The following HACD2 variants were observed in gnomAD, a reference collection of about 807,000 sequenced individuals.
HACD2 encodes very-long-chain (3R)-3-hydroxyacyl-CoA dehydratase 2.
HACD2 carries 15 observed loss-of-function variants against 31.0 expected under a neutral mutation model. The ratio of observed to expected loss-of-function variants is 0.48; its 90% CI spans 0.32 to 0.75. The LOEUF (loss-of-function observed/expected upper bound fraction) is 0.75, where lower values mean the gene tolerates loss of function less well. Ranked by LOEUF, HACD2 falls within the 30% of genes least tolerant of loss-of-function variation. The pLI is 0.03. For missense variants in HACD2, 283 were observed against 313.0 expected (o/e 0.90, Z 0.72); for synonymous variants, 115 against 122.2 (o/e 0.94, Z 0.39).
chr3:123,554,562 A>G (rs2056654725), intron 3 of HACD2, among the ~76,000 whole-genome samples: 1 of 152,178 alleles, frequency 6.6e-6, no homozygotes, highest in Non-Finnish European at 1.5e-5. Flanking sequence ...AGGCAAATAC[A>G]GCAAATATAA....
intron 3 of HACD2, among the ~76,000 whole-genome samples, chr3:123,539,066 G>A (rs1236428291): frequency 6.6e-6 from 1 of 152,124 alleles, no homozygotes; most frequent in Non-Finnish European, 1.5e-5. Flanking sequence ...GATATATACA[G>A]TATATCTTCA....
chr3:123,494,862 T>TTCAA lies in HACD2; in HGVS notation c.*25_*26insTTGA. 6.9e-7 allele frequency: 1 copy of TTCAA among 1,455,898 alleles called. No individual in the cohort carries two copies. The highest frequency in any genetic ancestry group is 9.4e-7 in the Non-Finnish European group (1 of 1,062,904). 90.2% of individuals were successfully genotyped at this position (1,455,898 alleles called of 1,614,324 possible). ...TTTTTTGATCATTGAAAAGTTTGTT[T>TTCAA]TGGTGGGAGGTGCAGAAAGCAGGAA... On this transcript the variant is annotated 3_prime_UTR_variant, in exon 7 of 7. Transcript: ENST00000383657.
At position 123,540,490 on chromosome 3, in the gene HACD2, A is replaced by G. The variant is rs114546885; in HGVS notation, c.293-12016T>C. Among the ~76,000 whole-genome samples the G allele has an allele frequency of 8.2e-3, 1,252 of 152,314 alleles. 18 individuals carry two copies. The highest frequency in any genetic ancestry group is 0.028 in the African/African-American group (1,168 of 41,560). On this transcript the variant is annotated intron_variant, in intron 3 of 6. Transcript: ENST00000383657. ...ATAAATGACACATATTTCCTTTCTGAAGATAACTTAAAAGGGTGTCACGTT... is the reference window on the plus strand; with the variant it reads ...ATAAATGACACATATTTCCTTTCTGGAGATAACTTAAAAGGGTGTCACGTT...
intron 6 of HACD2, among the ~76,000 whole-genome samples, chr3:123,497,719 C>G (rs1322780427): frequency 3.3e-5 from 5 of 152,122 alleles, no homozygotes; most frequent in African/African-American, 1.2e-4. Context: ...GTATATATTG[C>G]AACTACAGCA....
chr3:123,509,783 A>C (rs1056157736), intron 4 of HACD2, among the ~76,000 whole-genome samples: 2 of 152,068 alleles, frequency 1.3e-5, no homozygotes, highest in African/African-American at 4.8e-5. Flanking sequence ...ACAGGTGAGC[A>C]ACCGCACCTG....
intron 3 of HACD2, among the ~76,000 whole-genome samples, chr3:123,556,884 A>C (rs2056678168): frequency 6.6e-6 from 1 of 152,244 alleles, no homozygotes; most frequent in Non-Finnish European, 1.5e-5. Context: ...ATAAAAATTA[A>C]AACAACAACT....
intron 3 of HACD2, among the ~76,000 whole-genome samples, chr3:123,545,104 T>C (rs1360096835): frequency 6.7e-6 from 1 of 149,884 alleles, no homozygotes; most frequent in Non-Finnish European, 1.5e-5. Context: ...TCAAGGGTGT[T>C]ATTTACCTTC....
At chr3:123,549,640 T>C (rs1304267505) in intron 3 of HACD2, among the ~76,000 whole-genome samples, 1 of 151,986 alleles carries the variant, frequency 6.6e-6, no homozygotes, top group Non-Finnish European at 1.5e-5. Flanking sequence ...CACACCTACT[T>C]GGGAGGCTGA....
Position 123,492,532 on chromosome 3 carries a change from A to G in HACD2, c.*2356T>C, listed in dbSNP as rs1245503675. ...CAGTGACATGCCTTACTTATCTGCC[A>G]TAAGTATTCTAAATGTTGATGTACA... On this transcript the variant is annotated 3_prime_UTR_variant, in exon 7 of 7. Coordinates refer to ENST00000383657, the MANE Select transcript of HACD2 (RefSeq NM_198402.5). The G allele has an allele frequency of 6.6e-6, 1 of 152,226 alleles. No homozygotes were observed. Among genetic ancestry groups the G allele is most frequent in the Non-Finnish European group, 1.5e-5 (1 of 68,048 alleles). 9.4% of individuals were successfully genotyped at this position (152,226 alleles called of 1,614,324 possible).
chr3:123,553,949 G>T (rs1278290356), intron 3 of HACD2, among the ~76,000 whole-genome samples: 6 of 149,960 alleles, frequency 4.0e-5, no homozygotes, highest in South Asian at 2.1e-4. Flanking sequence ...CCAACTAAAA[G>T]AATAATATAT....
At chr3:123,508,035 T>C (rs779931754) in intron 4 of HACD2, among the ~76,000 whole-genome samples, 7 of 152,010 alleles carry the variant, frequency 4.6e-5, no homozygotes, top group Non-Finnish European at 7.4e-5. Context: ...TTTAAATACA[T>C]ATTATTGCCT....
intron 3 of HACD2, among the ~76,000 whole-genome samples, chr3:123,534,021 C>T (rs2056396714): frequency 1.0e-5 from 1 of 96,104 alleles, no homozygotes. Context: ...ATAAAAGAAA[C>T]ATAGTGGAGT....
At chr3:123,500,765 T>C in intron 5 of HACD2, 72 bp from the exon 6 acceptor site, 1 of 954,186 alleles carries the variant, frequency 1.0e-6, no homozygotes, top group Non-Finnish European at 1.6e-6. Flanking sequence ...TTCCCACCCT[T>C]CTAATCAGTA....
At chr3:123,505,544 C>T (rs1395980757) in intron 4 of HACD2, among the ~76,000 whole-genome samples, 1 of 152,188 alleles carries the variant, frequency 6.6e-6, no homozygotes, top group Admixed American at 6.5e-5. Flanking sequence ...AGAAGACCCA[C>T]CTTATGAAAT....
chr3:123,524,096 T>C (rs1406520364), intron 4 of HACD2, among the ~76,000 whole-genome samples: 2 of 152,218 alleles, frequency 1.3e-5, no homozygotes, highest in Non-Finnish European at 2.9e-5. Flanking sequence ...AGAAAAGAGA[T>C]GCTGAGATTG....
chr3:123,560,021 G>A (rs1050538369), intron 3 of HACD2, among the ~76,000 whole-genome samples: 1 of 152,148 alleles, frequency 6.6e-6, no homozygotes, highest in Non-Finnish European at 1.5e-5. Context: ...ACAGAGCAGG[G>A]AACAACTAAC....
At chr3:123,578,792 T>C (rs1017974254) in intron 2 of HACD2, among the ~76,000 whole-genome samples, 6 of 152,220 alleles carry the variant, frequency 3.9e-5, no homozygotes, top group African/African-American at 7.2e-5. Flanking sequence ...CCTGGATTCA[T>C]TTTCTCCTCC....
chr3:123,581,835 T>C (rs1172899289), intron 2 of HACD2, among the ~76,000 whole-genome samples: 3 of 152,338 alleles, frequency 2.0e-5, no homozygotes, highest in Middle Eastern at 6.8e-3. Flanking sequence ...CTCTATTATG[T>C]CTTCTATCTA....
chr3:123,584,019 C>T, intron 1 of HACD2, among the ~76,000 whole-genome samples: 1 of 152,180 alleles, frequency 6.6e-6, no homozygotes, highest in East Asian at 1.9e-4. Context: ...AAATATATAA[C>T]TGTCTGATGC....
Sources: allele counts gnomAD v4.1 joint callset (sites outside exome capture counted in the v4.1 genomes callset), GRCh38; gene constraint gnomAD v4.1.1; transcripts MANE v1.5; gene names NCBI Gene and HGNC (gene_info 2026-07-23, HGNC 2026-07-21).